The following GALK2 variants were observed in gnomAD, a reference collection of about 807,000 sequenced individuals.
GALK2 encodes the protein N-acetylgalactosamine kinase.
In GALK2, 36 loss-of-function variants were observed where a neutral mutation model predicts 52.4. That is an observed-to-expected ratio of 0.69 (90% CI 0.53 to 0.91). The LOEUF (loss-of-function observed/expected upper bound fraction) is 0.91. Ranked by LOEUF, GALK2 falls within the 40% of genes least tolerant of loss-of-function variation. The probability of loss-of-function intolerance (pLI) is 0.00; values close to 1 mark genes in which losing one functional copy is unlikely to be tolerated. For synonymous variants in GALK2, 176 were observed against 199.1 expected, an observed-to-expected ratio of 0.88 and a Z score of 0.98; for missense variants, 579 against 559.1, an observed-to-expected ratio of 1.04 and a Z score of -0.36.
intron 9 of GALK2, among the ~76,000 whole-genome samples, chr15:49,325,371 C>T (rs993391789): frequency 6.6e-6 from 1 of 152,212 alleles, no homozygotes; most frequent in African/African-American, 2.4e-5. Flanking sequence ...TATTGCCTCT[C>T]TGATGTGCAA....
intron 5 of GALK2, among the ~76,000 whole-genome samples, chr15:49,271,004 G>A (rs2030478542): frequency 6.6e-6 from 1 of 152,192 alleles, no homozygotes; most frequent in South Asian, 2.1e-4. Flanking sequence ...CCAGGGAATA[G>A]GAGGGTTCCT....
intron 1 of GALK2, among the ~76,000 whole-genome samples, chr15:49,186,911 G>A (rs2086392574): frequency 6.6e-6 from 1 of 152,186 alleles, no homozygotes; most frequent in African/African-American, 2.4e-5. Flanking sequence ...ACTTGTCCCT[G>A]CCACTCTGGG....
chr15:49,303,178 T>G (rs957387489), intron 8 of GALK2, among the ~76,000 whole-genome samples: 10 of 152,168 alleles, frequency 6.6e-5, no homozygotes, highest in African/African-American at 2.2e-4. Flanking sequence ...TTACCTGATA[T>G]CGCAGATAAC....
chr15:49,208,643 A>G (rs1038467408), intron 2 of GALK2, among the ~76,000 whole-genome samples: 2 of 152,170 alleles, frequency 1.3e-5, no homozygotes, highest in Non-Finnish European at 2.9e-5. Context: ...GTTGGATGAA[A>G]TGCTCTGTAT....
chr15:49,337,508 C>CTTTTTTTTTTTTTT (rs33973907), intron 3 of GALK2, among the ~76,000 whole-genome samples: 3 of 36,086 alleles, frequency 8.3e-5, no homozygotes, highest in Non-Finnish European at 1.5e-4. Flanking sequence ...CATTTACCCA[C>CTTTTTTTTTTTTTT]TTTTTTTTTT....
chr15:49,256,845 A>G (rs188750749), intron 5 of GALK2, among the ~76,000 whole-genome samples: 2 of 152,310 alleles, frequency 1.3e-5, no homozygotes, highest in East Asian at 3.9e-4. Flanking sequence ...GGATCCCCAT[A>G]GACTCAAATC....
At position 49,294,087 on chromosome 15, in the gene GALK2, CAAATAAATAAAT is replaced by C. The variant is rs201999229; in HGVS notation, c.967+1581_967+1592del. Among the ~76,000 whole-genome samples the C allele has an allele frequency of 7.7e-3, 1,010 of 131,046 alleles. 18 individuals carry two copies. The highest frequency in any genetic ancestry group is 0.026 in the African/African-American group (917 of 34,816). 86.0% of individuals were successfully genotyped at this position (131,046 alleles called of 152,430 possible). ...TGCACTCCAGGGGGAGACCCTGTCT[CAAATAAATAAAT>C]AAATAAATAAATAAATAAATAAATA... On this transcript the variant is annotated intron_variant, in intron 8 of 9. Transcript: ENST00000560031.
At chr15:49,318,821 A>T (rs2036634118) in intron 8 of GALK2, 1 of 392,312 alleles carries the variant, frequency 2.5e-6, no homozygotes, top group Non-Finnish European at 4.9e-6. Flanking sequence ...CTTCCGCCAC[A>T]TTCTGGATGT....
chr15:49,182,158 A>G (rs561517571), intron 1 of GALK2, among the ~76,000 whole-genome samples: 6 of 152,142 alleles, frequency 3.9e-5, no homozygotes, highest in Admixed American at 1.3e-4. Context: ...ACCCTTCGCA[A>G]CCTCTGGTAA....
At chr15:49,239,160 C>A in intron 4 of GALK2, 61 bp from the exon 5 acceptor site, 1 of 1,460,078 alleles carries the variant, frequency 6.8e-7, no homozygotes, top group Non-Finnish European at 9.6e-7. Context: ...ATGAAAGAAG[C>A]TTTCACTACT....
chr15:49,206,081 A>G (rs2088255413), intron 2 of GALK2, among the ~76,000 whole-genome samples: 1 of 152,034 alleles, frequency 6.6e-6, no homozygotes. Flanking sequence ...ATTTTGTTCC[A>G]TTGGTCTACG....
chr15:49,158,573 T>C (rs2084534528), intron 1 of GALK2, among the ~76,000 whole-genome samples: 1 of 152,200 alleles, frequency 6.6e-6, no homozygotes. Flanking sequence ...CATTGTGTGG[T>C]TAGGCAGCTG....
At chr15:49,312,482 T>C (rs2036073072) in intron 8 of GALK2, among the ~76,000 whole-genome samples, 1 of 152,202 alleles carries the variant, frequency 6.6e-6, no homozygotes, top group African/African-American at 2.4e-5. Context: ...GGCTTCAGAC[T>C]GAGGGCTGCA....
intron 3 of GALK2, chr15:49,365,919 T>G: frequency 1.0e-6 from 1 of 963,826 alleles, no homozygotes; most frequent in Non-Finnish European, 1.7e-6. Flanking sequence ...TCATTGCTGA[T>G]ACTATGCAGA....
At chr15:49,170,416 T>G in intron 1 of GALK2, 41 bp downstream of exon 1, 1 of 1,556,574 alleles carries the variant, frequency 6.4e-7, no homozygotes, top group Non-Finnish European at 8.7e-7. Flanking sequence ...TCTGCTGGGT[T>G]GGCTACGTGT....
At chr15:49,236,037 A>AGTACTAAC (rs1385766924) in intron 4 of GALK2, 96 bp downstream of exon 4, 23 of 766,478 alleles carry the variant, frequency 3.0e-5, no homozygotes, top group Non-Finnish European at 5.1e-5. Flanking sequence ...ATCTCCTTAC[A>AGTACTAAC]GTACTAACCG....
intron 3 of GALK2, among the ~76,000 whole-genome samples, chr15:49,359,026 G>C (rs1158811014): frequency 6.6e-6 from 1 of 151,984 alleles, no homozygotes; most frequent in Non-Finnish European, 1.5e-5. Flanking sequence ...GGGAAAACTG[G>C]CTAGCCATAT....
chr15:49,285,916 G>T (rs2033301855), intron 7 of GALK2, among the ~76,000 whole-genome samples: 1 of 152,114 alleles, frequency 6.6e-6, no homozygotes, highest in East Asian at 1.9e-4. Context: ...CCATATCTGA[G>T]ACCTGTGCAC....
rs1555400548 is a variant in GALK2 at position 49,192,485 on chromosome 15, G to GTATATATATGTATATA, written c.54-8668_54-8667insGTATATATATATATAT. Among the ~76,000 whole-genome samples, 270 of 102,888 alleles carry GTATATATATGTATATA rather than the reference G, an allele frequency of 2.6e-3. 2 individuals carry two copies. Among genetic ancestry groups the GTATATATATGTATATA allele is most frequent in the Middle Eastern group, 0.01 (2 of 198 alleles). The allele number at this position is 102,888 out of a possible 152,430, so 67.5% of individuals were successfully genotyped here. A position where few individuals can be genotyped will look rare whatever the true frequency, so the allele number is the denominator to read the frequency against. On this transcript the variant is annotated intron_variant, in intron 1 of 9. Transcript: ENST00000560031. ...TCTGCAATGAATATTATATATATAT[G>GTATATATATGTATATA]TATATATATATATATATATATATAT... is the stretch of plus-strand genomic sequence containing the variant.
Sources: gnomAD v4.1 joint callset for allele counts (sites outside exome capture counted in the v4.1 genomes callset) on GRCh38, gnomAD v4.1.1 for gene constraint, MANE v1.5 for transcripts, NCBI Gene and HGNC (gene_info 2026-07-23, HGNC 2026-07-21) for gene names.